PCSK5: variants seen among roughly 807,000 people sequenced by gnomAD.
The protein encoded by PCSK5 is proprotein convertase subtilisin/kexin type 5.
Under a neutral mutation model 233.2 loss-of-function variants are expected in PCSK5, and 129 were observed. That is an observed-to-expected ratio of 0.55 (90% CI 0.48 to 0.64). The LOEUF (loss-of-function observed/expected upper bound fraction) is 0.64, where lower values mean the gene tolerates loss of function less well. Among genes scored for constraint, PCSK5 ranks in the 30% least tolerant of loss-of-function variants. PCSK5 has a pLI of 0.00. For synonymous variants in PCSK5, 825 were observed against 879.2 expected (o/e 0.94, Z 1.09); for missense variants, 2,076 against 2,430.1 (o/e 0.85, Z 3.06).
intron 35 of PCSK5, among the ~76,000 whole-genome samples, chr9:76,341,969 G>T (rs1478542057): frequency 6.6e-6 from 1 of 152,136 alleles, no homozygotes; most frequent in Non-Finnish European, 1.5e-5. Flanking sequence ...TCCTATTTTG[G>T]TAGAAAAGGT....
intron 20 of PCSK5, among the ~76,000 whole-genome samples, chr9:76,220,302 G>A (rs1302485761): frequency 6.6e-6 from 1 of 151,894 alleles, no homozygotes; most frequent in Non-Finnish European, 1.5e-5. Flanking sequence ...TGAGGCGGGC[G>A]GATCACCTGA....
At chr9:76,246,341 CAAAAAAAAA>C (rs59806704) in intron 24 of PCSK5, among the ~76,000 whole-genome samples, 1,603 of 52,692 alleles carry the variant, frequency 0.03, 42 homozygotes, top group African/African-American at 0.083. Context: ...GATTCCATCT[CAAAAAAAAA>C]AAAAAAAAAA....
intron 2 of PCSK5, among the ~76,000 whole-genome samples, chr9:75,962,105 G>T (rs1034789127): frequency 2.9e-5 from 3 of 104,264 alleles, no homozygotes; most frequent in African/African-American, 7.9e-5. Flanking sequence ...AGGCAGGTCT[G>T]CAGGGTGGTG....
intron 5 of PCSK5, among the ~76,000 whole-genome samples, chr9:76,036,051 T>C (rs991097378): frequency 5.9e-5 from 9 of 152,158 alleles, no homozygotes; most frequent in African/African-American, 2.2e-4. Flanking sequence ...CTCAAGCTTA[T>C]AGATTATTCA....
intron 1 of PCSK5, among the ~76,000 whole-genome samples, chr9:75,924,609 C>CA (rs1823398249): frequency 6.6e-6 from 1 of 152,122 alleles, no homozygotes; most frequent in African/African-American, 2.4e-5. Context: ...CCCCGCCCCC[C>CA]ACTCCCAGAG....
chr9:75,965,236 A>C (rs570942907), intron 2 of PCSK5, among the ~76,000 whole-genome samples: 1 of 150,880 alleles, frequency 6.6e-6, no homozygotes, highest in Admixed American at 6.7e-5. Flanking sequence ...TCCTGTTTAC[A>C]TCCTATATAT....
chr9:76,206,143 C>T (rs747519357), intron 20 of PCSK5, among the ~76,000 whole-genome samples: 1 of 152,104 alleles, frequency 6.6e-6, no homozygotes, highest in Non-Finnish European at 1.5e-5. Context: ...TTCAGTAGAT[C>T]CGAGGTGGAA....
chr9:76,097,246 CTTTTTTTTT>C (rs71372046), intron 8 of PCSK5, among the ~76,000 whole-genome samples: 6 of 67,328 alleles, frequency 8.9e-5, no homozygotes, highest in East Asian at 5.2e-4. Context: ...AAGTGCATTT[CTTTTTTTTT>C]TTTTTTTTTT....
chr9:76,234,496 C>G (rs890684840), intron 22 of PCSK5, among the ~76,000 whole-genome samples: 1 of 152,040 alleles, frequency 6.6e-6, no homozygotes, highest in Non-Finnish European at 1.5e-5. Flanking sequence ...TGAAATAAAC[C>G]AAGAAAAATG....
chr9:76,034,997 C>A (rs1009472037), intron 5 of PCSK5, among the ~76,000 whole-genome samples: 21 of 152,066 alleles, frequency 1.4e-4, no homozygotes, highest in African/African-American at 5.1e-4. Context: ...GCTCTGTATC[C>A]CAGAAGGCTG....
At chr9:76,084,197 C>T (rs113611637) in intron 7 of PCSK5, among the ~76,000 whole-genome samples, 2,762 of 152,210 alleles carry the variant, frequency 0.018, 70 homozygotes, top group South Asian at 0.068. Flanking sequence ...ATTTTGGAAA[C>T]AAAGAAATGT....
intron 20 of PCSK5, among the ~76,000 whole-genome samples, chr9:76,203,081 A>G (rs1367641676): frequency 1.3e-5 from 2 of 152,298 alleles, no homozygotes; most frequent in East Asian, 3.9e-4. Context: ...ATAGCTCTCT[A>G]TGTGTCTACA....
chr9:75,987,866 A>G (rs1826590953), intron 3 of PCSK5, among the ~76,000 whole-genome samples: 1 of 152,202 alleles, frequency 6.6e-6, no homozygotes, highest in African/African-American at 2.4e-5. Flanking sequence ...TGTTTATAAG[A>G]CCAGGGTGAG....
Position 76,121,954 on chromosome 9 carries a change from G to C in PCSK5, c.1209-12155G>C, listed in dbSNP as rs867818398. 4.0e-3 allele frequency among the ~76,000 whole-genome samples: 408 copies of C among 101,878 alleles called. 117 individuals are homozygous for C. The highest frequency in any genetic ancestry group is 0.012 in the Admixed American group (105 of 9,062). 66.8% of individuals were successfully genotyped at this position (101,878 alleles called of 152,430 possible). A position where few individuals can be genotyped will look rare whatever the true frequency, so the allele number is the denominator to read the frequency against. On this transcript the variant is annotated intron_variant, in intron 9 of 37. Coordinates refer to ENST00000674117, the MANE Select transcript of PCSK5 (RefSeq NM_001372043.1). The stretch of plus-strand genomic sequence containing the variant: ...TTCTCCTGCCTCAGCCTCCCAAGTA[G>C]CAGGGACTACAGGCGCCCGCCACTA...
At chr9:76,252,272 G>GAAA (rs200025130) in intron 24 of PCSK5, among the ~76,000 whole-genome samples, 214 of 151,684 alleles carry the variant, frequency 1.4e-3, no homozygotes, top group African/African-American at 5.1e-3. Flanking sequence ...CTCCGTCTCA[G>GAAA]AAAAAATAAT....
intron 3 of PCSK5, among the ~76,000 whole-genome samples, chr9:76,017,271 G>A (rs1386963645): frequency 1.3e-5 from 2 of 152,070 alleles, no homozygotes; most frequent in African/African-American, 4.8e-5. Context: ...ATGATCAATT[G>A]CCCTTTCAAC....
At chr9:76,109,387 A>G (rs1832110491) in intron 9 of PCSK5, among the ~76,000 whole-genome samples, 1 of 152,022 alleles carries the variant, frequency 6.6e-6, no homozygotes, top group South Asian at 2.1e-4. Flanking sequence ...TGCTTCGTAG[A>G]ATTAGGTGAT....
chr9:76,251,556 T>C (rs1407995590), intron 24 of PCSK5, among the ~76,000 whole-genome samples: 2 of 121,348 alleles, frequency 1.6e-5, no homozygotes, highest in Non-Finnish European at 1.7e-5. Flanking sequence ...AGAGCGAGAC[T>C]CCGTCTCAAA....
At chr9:76,326,292 G>A (rs1300582959) in intron 32 of PCSK5, among the ~76,000 whole-genome samples, 1 of 152,104 alleles carries the variant, frequency 6.6e-6, no homozygotes, top group African/African-American at 2.4e-5. Flanking sequence ...AGGCTGAGAT[G>A]GGGGGATCAC....
Sources: allele counts gnomAD v4.1 joint callset (sites outside exome capture counted in the v4.1 genomes callset), GRCh38; gene constraint gnomAD v4.1.1; transcripts MANE v1.5; gene names NCBI Gene and HGNC (gene_info 2026-07-23, HGNC 2026-07-21).